The following RBFOX1 variants were observed in gnomAD, a reference collection of about 807,000 sequenced individuals.
The protein encoded by RBFOX1 is RNA binding protein fox-1 homolog 1.
A neutral mutation model predicts 57.7 loss-of-function variants in RBFOX1; 8 were observed. The observed-to-expected ratio is 0.14, with a 90% CI of 0.08 to 0.25. The LOEUF (loss-of-function observed/expected upper bound fraction) is 0.25. Ranked by LOEUF, RBFOX1 falls within the 10% of genes least tolerant of loss-of-function variation. The pLI, the probability that RBFOX1 is intolerant of heterozygous loss-of-function variation, is 1.00. For missense variants in RBFOX1, 611 were observed against 548.5 expected, an observed-to-expected ratio of 1.11 and a Z score of -1.14; for synonymous variants, 326 against 222.4, an observed-to-expected ratio of 1.47 and a Z score of -4.15.
intron 3 of RBFOX1, among the ~76,000 whole-genome samples, chr16:5,758,299 G>C (rs904978782): frequency 3.3e-5 from 5 of 152,168 alleles, no homozygotes; most frequent in African/African-American, 1.2e-4. Context: ...AAATAATGTT[G>C]CCATAGTTAC....
At chr16:6,511,601 A>G (rs2096256039) in intron 2 of RBFOX1, among the ~76,000 whole-genome samples, 1 of 152,194 alleles carries the variant, frequency 6.6e-6, no homozygotes, top group Non-Finnish European at 1.5e-5. Context: ...CCTCATACAT[A>G]ATTGCCCTGG....
At position 6,907,842 on chromosome 16, in the gene RBFOX1, G is replaced by C. The variant is rs567895465; in HGVS notation, c.-15-144215G>C. Among the ~76,000 whole-genome samples the C allele has an allele frequency of 2.6e-5, 4 of 151,676 alleles. 1 individual carries two copies. The highest frequency in any genetic ancestry group is 5.9e-5 in the Non-Finnish European group (4 of 67,770). ...ACCCGCCTCGGCCTCCCAAAGTGCTGGGATTACAGGCATGAGCCCCCATGC... is the reference window on the plus strand; with the variant it reads ...ACCCGCCTCGGCCTCCCAAAGTGCTCGGATTACAGGCATGAGCCCCCATGC... On this transcript the variant is annotated intron_variant, in intron 3 of 15. Transcript: ENST00000550418.
intron 3 of RBFOX1, among the ~76,000 whole-genome samples, chr16:6,831,502 T>C (rs2092706676): frequency 1.3e-5 from 2 of 152,322 alleles, no homozygotes; most frequent in Middle Eastern, 3.4e-3. Context: ...TAGCCTAATA[T>C]ATTTCCCTTT....
intron 4 of RBFOX1, among the ~76,000 whole-genome samples, chr16:7,196,717 C>A (rs749384414): frequency 6.6e-6 from 1 of 152,106 alleles, no homozygotes; most frequent in Non-Finnish European, 1.5e-5. Context: ...GGTCAGGAGT[C>A]ATGCTGCAAA....
At chr16:6,244,259 C>T (rs1428790614) in intron 1 of RBFOX1, among the ~76,000 whole-genome samples, 3 of 151,932 alleles carry the variant, frequency 2.0e-5, no homozygotes, top group Non-Finnish European at 4.4e-5. Flanking sequence ...AGTGGCATGC[C>T]ATTTCCTGCA....
chr16:7,515,260 GTT>G (rs34629697), intron 4 of RBFOX1, among the ~76,000 whole-genome samples: 16,488 of 148,096 alleles, frequency 0.11, 1,245 homozygotes, highest in South Asian at 0.28. Flanking sequence ...AACAGCAGAA[GTT>G]TTTTTTTTTT....
intron 2 of RBFOX1, among the ~76,000 whole-genome samples, chr16:6,628,212 G>T (rs935287280): frequency 1.3e-5 from 2 of 152,198 alleles, no homozygotes; most frequent in South Asian, 4.1e-4. Context: ...CTCCCTGGGG[G>T]TTAGCATCTT....
intron 3 of RBFOX1, among the ~76,000 whole-genome samples, chr16:6,695,248 C>T (rs1456488749): frequency 9.9e-5 from 15 of 151,734 alleles, no homozygotes; most frequent in East Asian, 7.8e-4. Flanking sequence ...GGTGAAACTC[C>T]GTCTCTACTG....
chr16:5,398,085 C>A (rs1003983276), intron 1 of RBFOX1, among the ~76,000 whole-genome samples: 2 of 152,200 alleles, frequency 1.3e-5, no homozygotes, highest in African/African-American at 4.8e-5. Context: ...GAGGTTATAA[C>A]TGAGATTCAA....
intron 1 of RBFOX1, among the ~76,000 whole-genome samples, chr16:6,229,909 C>G (rs985207428): frequency 6.6e-6 from 1 of 151,730 alleles, no homozygotes; most frequent in African/African-American, 2.4e-5. Flanking sequence ...ATTATTTGTC[C>G]TCGCGAAAGT....
chr16:7,149,410 T>C (rs1364305180), intron 4 of RBFOX1, among the ~76,000 whole-genome samples: 11 of 152,134 alleles, frequency 7.2e-5, no homozygotes, highest in Admixed American at 7.2e-4. Context: ...TGAGAGACTT[T>C]TGCTTAAGAC....
chr16:5,805,570 G>C (rs2055198898), intron 3 of RBFOX1, among the ~76,000 whole-genome samples: 2 of 152,174 alleles, frequency 1.3e-5, no homozygotes, highest in Admixed American at 1.3e-4. Context: ...GTTGAACAAA[G>C]GAATTGTTTA....
intron 3 of RBFOX1, among the ~76,000 whole-genome samples, chr16:6,814,259 G>C (rs1453140382): frequency 2.2e-5 from 3 of 138,218 alleles, no homozygotes. Context: ...GTGGGGGGGA[G>C]GGAGGAGGTC....
intron 3 of RBFOX1, among the ~76,000 whole-genome samples, chr16:6,760,742 C>T (rs924223692): frequency 1.3e-5 from 2 of 152,294 alleles, no homozygotes; most frequent in East Asian, 1.9e-4. Context: ...TAGGGCAAGG[C>T]ACAGCCTTGG....
intron 3 of RBFOX1, among the ~76,000 whole-genome samples, chr16:6,758,334 A>G (rs2076120136): frequency 6.6e-6 from 1 of 152,132 alleles, no homozygotes; most frequent in African/African-American, 2.4e-5. Flanking sequence ...TATGTAAACC[A>G]CGACATAATA....
intron 3 of RBFOX1, among the ~76,000 whole-genome samples, chr16:6,844,428 T>A (rs564496153): frequency 6.6e-6 from 1 of 152,324 alleles, no homozygotes; most frequent in East Asian, 1.9e-4. Context: ...CTACTACTTA[T>A]AAGTAAGAAC....
chr16:5,346,111 G>A (rs900012210), intron 1 of RBFOX1, among the ~76,000 whole-genome samples: 4 of 152,230 alleles, frequency 2.6e-5, no homozygotes, highest in Middle Eastern at 3.2e-3. Context: ...CAAGCGCACA[G>A]AGAAGTATGG....
chr16:6,340,520 T>C (rs1305185927), intron 2 of RBFOX1, among the ~76,000 whole-genome samples: 1 of 152,210 alleles, frequency 6.6e-6, no homozygotes, highest in Non-Finnish European at 1.5e-5. Flanking sequence ...GATGATATGC[T>C]AAACAAGGGG....
At chr16:6,750,239 A>C (rs1324449697) in intron 3 of RBFOX1, among the ~76,000 whole-genome samples, 1 of 152,188 alleles carries the variant, frequency 6.6e-6, no homozygotes, top group Non-Finnish European at 1.5e-5. Context: ...GCATTTGTTA[A>C]AGGTAAATTC....
Sources: gnomAD v4.1 joint callset for allele counts (sites outside exome capture counted in the v4.1 genomes callset) on GRCh38, gnomAD v4.1.1 for gene constraint, MANE v1.5 for transcripts, NCBI Gene and HGNC (gene_info 2026-07-23, HGNC 2026-07-21) for gene names.